Variants in SASH1 observed in about 807,000 individuals in gnomAD.
SASH1 encodes the protein SAM and SH3 domain containing 1, also known as SAM and SH3 domain-containing protein 1.
A neutral mutation model predicts 125.2 loss-of-function variants in SASH1; 44 were observed. That is an observed-to-expected ratio of 0.35 (90% CI 0.28 to 0.45). The LOEUF (loss-of-function observed/expected upper bound fraction) is 0.45. Ranked by LOEUF, SASH1 falls within the 20% of genes least tolerant of loss-of-function variation. The pLI is 1.00. For synonymous variants in SASH1, 639 were observed against 649.1 expected (o/e 0.98, Z 0.24); for missense variants, 1,426 against 1,614.5 (o/e 0.88, Z 2.00).
the SASH1 span, among the ~76,000 whole-genome samples, chr6:148,232,381 G>A: frequency 1.3e-5 from 2 of 152,174 alleles, no homozygotes; most frequent in Non-Finnish European, 2.9e-5. Context: ...TTGGGCTCGG[G>A]CCTACTGGCT....
intron 1 of SASH1, among the ~76,000 whole-genome samples, chr6:148,357,253 G>A (rs1052520823): frequency 6.6e-6 from 1 of 152,098 alleles, no homozygotes; most frequent in Admixed American, 6.6e-5. Flanking sequence ...AATAATGTAG[G>A]GTTCCTGGTT....
intron 2 of SASH1, among the ~76,000 whole-genome samples, chr6:148,435,352 C>A (rs1034071116): frequency 3.4e-5 from 5 of 146,006 alleles, no homozygotes; most frequent in Non-Finnish European, 6.0e-5. Flanking sequence ...GCGCTCCAGC[C>A]TGGGAGACAG....
intron 1 of SASH1, among the ~76,000 whole-genome samples, chr6:148,293,109 T>C (rs1382623038): frequency 2.6e-5 from 4 of 151,712 alleles, no homozygotes; most frequent in Non-Finnish European, 5.9e-5. Context: ...GTGTATAAGA[T>C]CTACCATGAT....
rs1562371465 is a variant in SASH1 at position 148,387,644 on chromosome 6, CTTT to C, written c.157-2489_157-2487del. ...TCTTTCTTTCTTTCTTTCTTTCTTTCTTTCTTTCTTTCTTTCTTTCTTTCTTTC... is the reference window on the plus strand; with the variant it reads ...TCTTTCTTTCTTTCTTTCTTTCTTTCCTTTCTTTCTTTCTTTCTTTCTTTC... On this transcript the variant is annotated intron_variant, in intron 1 of 19. Coordinates refer to ENST00000367467, the MANE Select transcript of SASH1 (RefSeq NM_015278.5). 2.5e-3 allele frequency among the ~76,000 whole-genome samples: 113 copies of C among 44,444 alleles called. 6 individuals carry two copies. The highest frequency in any genetic ancestry group is 6.7e-3 in the African/African-American group (76 of 11,336). The allele number at this position is 44,444 out of a possible 152,430, so 29.2% of individuals were successfully genotyped here.
chr6:148,269,396 A>G (rs192516292), upstream of SASH1, among the ~76,000 whole-genome samples: 509 of 152,242 alleles, frequency 3.3e-3, 5 homozygotes, highest in African/African-American at 0.012. Flanking sequence ...CCATTTCCCA[A>G]GTAGCTAAGA....
upstream of SASH1, among the ~76,000 whole-genome samples, chr6:148,270,090 C>A (rs1004788832): frequency 6.6e-6 from 1 of 152,224 alleles, no homozygotes; most frequent in Non-Finnish European, 1.5e-5. Context: ...TTCAACGGGG[C>A]AGAATTTCTC....
intron 1 of SASH1, among the ~76,000 whole-genome samples, chr6:148,274,851 A>G (rs1041811086): frequency 1.2e-4 from 18 of 152,188 alleles, no homozygotes; most frequent in Non-Finnish European, 2.5e-4. Context: ...GAAAATCCAG[A>G]TCCAAAATCT....
the SASH1 span, among the ~76,000 whole-genome samples, chr6:148,206,276 T>C: frequency 1.3e-3 from 192 of 152,254 alleles, no homozygotes; most frequent in African/African-American, 4.4e-3. Context: ...CATACCTTCA[T>C]AATGGATCTT....
At chr6:148,522,527 T>A (rs887756497) in intron 10 of SASH1, among the ~76,000 whole-genome samples, 2 of 152,238 alleles carry the variant, frequency 1.3e-5, no homozygotes, top group Admixed American at 6.5e-5. Context: ...TGATAATGCT[T>A]TGTATCCACT....
chr6:148,462,133 G>C lies in SASH1; in HGVS notation c.387-6412G>C, dbSNP rs528903432. 9.9e-5 allele frequency among the ~76,000 whole-genome samples: 15 copies of C among 152,168 alleles called. No homozygotes were observed. The East Asian group carries it at 2.9e-3, about 29-fold the overall frequency. On this transcript the variant is annotated intron_variant, in intron 4 of 19. Transcript: ENST00000367467. Reference sequence around the variant, plus strand: ...AAGACCCAGACACAGCAAAAGACCAGATTTCAAATTCAGCAGGAAATCAAC... The same window carrying C: ...AAGACCCAGACACAGCAAAAGACCACATTTCAAATTCAGCAGGAAATCAAC...
intron 4 of SASH1, among the ~76,000 whole-genome samples, chr6:148,450,225 A>C (rs577807597): frequency 7.9e-5 from 12 of 152,326 alleles, no homozygotes; most frequent in South Asian, 4.1e-4. Flanking sequence ...CTCAGGCCAC[A>C]TCTCATTGAG....
chr6:148,211,548 G>A, the SASH1 span, among the ~76,000 whole-genome samples: 1 of 151,272 alleles, frequency 6.6e-6, no homozygotes. Flanking sequence ...TCCAGCCTGG[G>A]CTATACAGCA....
rs531120063 is a variant in SASH1, at chr6:148,419,889, CA to C, written c.286-20293del. ...CTGATTGAGGCCAGTTAAGAGACAA[CA>C]AGAAAATACTTTAATTCTTCCTTTT... On this transcript the variant is annotated intron_variant, in intron 2 of 19. Transcript: ENST00000367467. 3.5e-3 allele frequency among the ~76,000 whole-genome samples: 526 copies of C among 152,182 alleles called. 3 individuals are homozygous for C. The highest frequency in any genetic ancestry group is 0.011 in the African/African-American group (467 of 41,522).
intron 12 of SASH1, among the ~76,000 whole-genome samples, chr6:148,528,448 C>A (rs1480539079): frequency 6.6e-6 from 1 of 152,218 alleles, no homozygotes; most frequent in Non-Finnish European, 1.5e-5. Flanking sequence ...TTTTGCTCAG[C>A]TGCTGCTCTC....
the SASH1 span, among the ~76,000 whole-genome samples, chr6:148,200,640 A>G: frequency 2.0e-5 from 3 of 152,234 alleles, no homozygotes; most frequent in East Asian, 1.9e-4. Flanking sequence ...TATTTTAATG[A>G]AAGAATTCTT....
At chr6:148,446,111 T>TCTTTTTTTTC in intron 4 of SASH1, among the ~76,000 whole-genome samples, 6 of 48,706 alleles carry the variant, frequency 1.2e-4, no homozygotes, top group South Asian at 6.1e-4. Flanking sequence ...TTTTTTTTTT[T>TCTTTTTTTTC]TTTTTTTTTT....
At chr6:148,398,074 G>C (rs181747390) in intron 2 of SASH1, among the ~76,000 whole-genome samples, 1 of 152,246 alleles carries the variant, frequency 6.6e-6, no homozygotes, top group African/African-American at 2.4e-5. Context: ...TCAGGGAGAC[G>C]TCACAGTTTC....
intron 2 of SASH1, among the ~76,000 whole-genome samples, chr6:148,399,143 G>C (rs1264739309): frequency 1.3e-5 from 2 of 150,966 alleles, no homozygotes; most frequent in Non-Finnish European, 2.9e-5. Flanking sequence ...CGGGTTGGCT[G>C]TGTTGTGCAT....
chr6:148,297,831 T>TA (rs572633770), intron 1 of SASH1, among the ~76,000 whole-genome samples: 9 of 151,090 alleles, frequency 6.0e-5, no homozygotes, highest in South Asian at 2.1e-4. Flanking sequence ...CTCTATCTCT[T>TA]AAAAAAAAAT....
Sources: allele counts gnomAD v4.1 joint callset (sites outside exome capture counted in the v4.1 genomes callset), GRCh38; gene constraint gnomAD v4.1.1; transcripts MANE v1.5; gene names NCBI Gene and HGNC (gene_info 2026-07-23, HGNC 2026-07-21).